Variants in HTRA1 observed in about 807,000 individuals in gnomAD.
HTRA1 encodes HtrA serine peptidase 1, also known as serine protease HTRA1.
A neutral mutation model predicts 49.7 loss-of-function variants in HTRA1; 26 were observed. The ratio of observed to expected loss-of-function variants is 0.52; its 90% confidence interval spans 0.38 to 0.73. The LOEUF (loss-of-function observed/expected upper bound fraction) is 0.73, where lower values mean the gene tolerates loss of function less well. Ranked by LOEUF, HTRA1 falls within the 30% of genes least tolerant of loss-of-function variation. The probability of loss-of-function intolerance (pLI) is 0.00; values close to 1 mark genes in which losing one functional copy is unlikely to be tolerated. For synonymous variants in HTRA1, 291 were observed against 286.9 expected (o/e 1.01, Z -0.14); for missense variants, 561 against 667.2 (o/e 0.84, Z 1.75).
chr10:122,474,613 G>A (rs562930523), intron 1 of HTRA1, among the ~76,000 whole-genome samples: 1 of 152,188 alleles, frequency 6.6e-6, no homozygotes, highest in Admixed American at 6.5e-5. Context: ...GGCAGGAAGC[G>A]AACCCAGCTG....
At chr10:122,473,160 T>C (rs2097486890) in intron 1 of HTRA1, among the ~76,000 whole-genome samples, 1 of 152,232 alleles carries the variant, frequency 6.6e-6, no homozygotes, top group Admixed American at 6.5e-5. Context: ...ACGAGCACTT[T>C]TAAAACTTGG....
chr10:122,501,071 G>A (rs980979778), intron 3 of HTRA1, among the ~76,000 whole-genome samples: 22 of 152,290 alleles, frequency 1.4e-4, no homozygotes, highest in African/African-American at 5.3e-4. Flanking sequence ...TGGGGTCAGG[G>A]AGGGTCCCAG....
chr10:122,511,012 G>C (rs2097505307), intron 7 of HTRA1, among the ~76,000 whole-genome samples: 1 of 151,394 alleles, frequency 6.6e-6, no homozygotes, highest in South Asian at 2.1e-4. Flanking sequence ...TTGGTGCCCA[G>C]CTTCCTGGGT....
At chr10:122,471,972 T>G (rs553948694) in intron 1 of HTRA1, among the ~76,000 whole-genome samples, 1 of 152,328 alleles carries the variant, frequency 6.6e-6, no homozygotes, top group Non-Finnish European at 1.5e-5. Context: ...AAAAGACTAT[T>G]CATCCGATGA....
chr10:122,466,323 G>A (rs757498240), intron 1 of HTRA1, among the ~76,000 whole-genome samples: 1 of 152,146 alleles, frequency 6.6e-6, no homozygotes, highest in East Asian at 1.9e-4. Context: ...CCGCCACCAC[G>A]CCCAGCTAAT....
intron 5 of HTRA1, among the ~76,000 whole-genome samples, chr10:122,507,657 A>T (rs3013206): frequency 0.045 from 6,869 of 152,238 alleles, 170 homozygotes; most frequent in Middle Eastern, 0.054. Flanking sequence ...CAGAGAACAC[A>T]CTTGTGTCTC....
rs1370769403 is a variant in HTRA1 at position 122,507,504 on chromosome 10, C to A, written c.1005+102C>A. ...TTTGTTTGTTTTTGAGGCAGGGGGT[C>A]TTTTCAAACATAAGGTTGCCAAAGT... is the stretch of plus-strand genomic sequence containing the variant. On this transcript the variant is annotated intron_variant, in intron 5 of 8. Coordinates refer to ENST00000368984, the MANE Select transcript of HTRA1 (RefSeq NM_002775.5). 1.3e-5 allele frequency: 12 copies of A among 919,176 alleles called. 1 individual carries two copies. In the Admixed American group the frequency reaches 2.1e-4, roughly 16 times the overall value. 56.9% of individuals were successfully genotyped at this position (919,176 alleles called of 1,614,324 possible). A position where few individuals can be genotyped will look rare whatever the true frequency, so the allele number is the denominator to read the frequency against.
chr10:122,505,535 T>A (rs2097502678), intron 3 of HTRA1, among the ~76,000 whole-genome samples: 1 of 152,182 alleles, frequency 6.6e-6, no homozygotes, highest in South Asian at 2.1e-4. Flanking sequence ...AGTTTCCTCA[T>A]CTGTTAAATG....
At chr10:122,504,059 C>T (rs373201540) in intron 3 of HTRA1, among the ~76,000 whole-genome samples, 19 of 152,308 alleles carry the variant, frequency 1.2e-4, no homozygotes, top group African/African-American at 4.6e-4. Context: ...GGCTTGCCCA[C>T]GGGGTGCTCT....
chr10:122,492,957 A>G (rs2097496639), intron 3 of HTRA1, among the ~76,000 whole-genome samples: 1 of 152,038 alleles, frequency 6.6e-6, no homozygotes, highest in Non-Finnish European at 1.5e-5. Flanking sequence ...GAGTTCTTGC[A>G]CTTTGTGAGT....
At chr10:122,491,073 A>C (rs1384339733) in intron 3 of HTRA1, among the ~76,000 whole-genome samples, 1 of 152,212 alleles carries the variant, frequency 6.6e-6, no homozygotes, top group South Asian at 2.1e-4. Context: ...TCTAGCGACA[A>C]CTAATCTTTC....
chr10:122,508,480 C>T (rs527535683), intron 5 of HTRA1, among the ~76,000 whole-genome samples, 176 bp from the exon 6 acceptor site: 182 of 152,384 alleles, frequency 1.2e-3, no homozygotes, highest in African/African-American at 4.1e-3. Context: ...GCGTGGCTCG[C>T]GCTGCCTGGG....
chr10:122,495,981 G>A (rs2097498413), intron 3 of HTRA1, among the ~76,000 whole-genome samples: 1 of 152,160 alleles, frequency 6.6e-6, no homozygotes, highest in African/African-American at 2.4e-5. Context: ...TACACCAGCA[G>A]AGTTAAATAG....
Position 122,472,290 on chromosome 10 carries a change from T to C in HTRA1, c.472+10166T>C, listed in dbSNP as rs182888242. ...TCTCAGTTGTTTAAAATTATAAATG[T>C]AATTTAATCATATGAAAAATTAAGA... On this transcript the variant is annotated intron_variant, in intron 1 of 8. Transcript: ENST00000368984. Among the ~76,000 whole-genome samples, 201 of 151,872 alleles carry C rather than the reference T, an allele frequency of 1.3e-3. 3 individuals carry two copies. The highest frequency in any genetic ancestry group is 4.0e-3 in the African/African-American group (167 of 41,504).
intron 1 of HTRA1, among the ~76,000 whole-genome samples, chr10:122,477,455 C>A (rs2097489158): frequency 6.6e-6 from 1 of 152,170 alleles, no homozygotes; most frequent in South Asian, 2.1e-4. Flanking sequence ...GAGGATGGGG[C>A]CCCGAGGCTG....
intron 1 of HTRA1, among the ~76,000 whole-genome samples, chr10:122,470,190 A>G (rs1376926392): frequency 1.3e-5 from 2 of 152,194 alleles, no homozygotes; most frequent in African/African-American, 4.8e-5. Flanking sequence ...TCCTGAGTCT[A>G]TTCTGAAACA....
chr10:122,499,343 A>G (rs954088417), intron 3 of HTRA1, among the ~76,000 whole-genome samples: 1 of 152,174 alleles, frequency 6.6e-6, no homozygotes, highest in Non-Finnish European at 1.5e-5. Context: ...CAAATCAAAA[A>G]CATTGTGATA....
intron 1 of HTRA1, among the ~76,000 whole-genome samples, chr10:122,463,927 G>A (rs1442902146): frequency 6.6e-6 from 1 of 152,198 alleles, no homozygotes; most frequent in African/African-American, 2.4e-5. Context: ...GTTTTGGGAG[G>A]GCAGCAGGAG....
intron 3 of HTRA1, among the ~76,000 whole-genome samples, chr10:122,492,536 G>A (rs925392086): frequency 6.6e-6 from 1 of 152,040 alleles, no homozygotes; most frequent in Admixed American, 6.5e-5. Flanking sequence ...GTTTTGCCAT[G>A]TTGGCCAGGC....
Sources: gnomAD v4.1 joint callset for allele counts (sites outside exome capture counted in the v4.1 genomes callset) on GRCh38, gnomAD v4.1.1 for gene constraint, MANE v1.5 for transcripts, NCBI Gene and HGNC (gene_info 2026-07-23, HGNC 2026-07-21) for gene names.